The following NELL2 variants were observed in gnomAD, a reference collection of about 807,000 sequenced individuals.
NELL2 encodes neural EGFL like 2.
In NELL2, 41 loss-of-function variants were observed where a neutral mutation model predicts 109.6. The ratio of observed to expected loss-of-function variants is 0.37; its 90% CI spans 0.29 to 0.49. The LOEUF (loss-of-function observed/expected upper bound fraction) is 0.49, where lower values mean the gene tolerates loss of function less well. Ranked by LOEUF, NELL2 falls within the 20% of genes least tolerant of loss-of-function variation. The pLI is 0.98. For missense variants in NELL2, 900 were observed against 1,008.3 expected (o/e 0.89, Z 1.45); for synonymous variants, 355 against 344.7 (o/e 1.03, Z -0.33).
chr12:44,685,240 T>C (rs1044007721), intron 12 of NELL2, among the ~76,000 whole-genome samples: 19 of 152,138 alleles, frequency 1.2e-4, no homozygotes, highest in African/African-American at 4.3e-4. Flanking sequence ...TTGCAACCCC[T>C]GCCTTTTTTT....
intron 2 of NELL2, among the ~76,000 whole-genome samples, chr12:44,870,881 A>G (rs1053638702): frequency 1.3e-5 from 2 of 152,188 alleles, no homozygotes; most frequent in Non-Finnish European, 2.9e-5. Context: ...GGTTCCAAGA[A>G]TTAAGACATG....
rs139549454 is a variant in NELL2 at position 44,534,640 on chromosome 12, G to A, written c.1664-1919C>T. On this transcript the variant is annotated intron_variant, in intron 15 of 19. Transcript: ENST00000429094. ...CTTTATATGGTCTTTTCTTCTAACCGCAATGATGTAGAGAATTGATTATGT... is the reference window on the plus strand; with the variant it reads ...CTTTATATGGTCTTTTCTTCTAACCACAATGATGTAGAGAATTGATTATGT... Among the ~76,000 whole-genome samples, 967 of 152,170 alleles carry A rather than the reference G, an allele frequency of 6.4e-3. 10 individuals carry two copies. Among genetic ancestry groups the A allele is most frequent in the African/African-American group, 0.022 (918 of 41,522 alleles).
chr12:44,685,292 T>C (rs1283050210), intron 12 of NELL2, among the ~76,000 whole-genome samples: 1 of 152,060 alleles, frequency 6.6e-6, no homozygotes, highest in Non-Finnish European at 1.5e-5. Flanking sequence ...TCCTTTTATT[T>C]TGAGCCTATG....
intron 13 of NELL2, among the ~76,000 whole-genome samples, chr12:44,627,429 C>CAAA (rs200944318): frequency 0.046 from 6,422 of 139,666 alleles, 460 homozygotes; most frequent in African/African-American, 0.15. Context: ...GCAGATGTAC[C>CAAA]AAAAAAAAAA....
chr12:44,519,358 T>C (rs1941417153), intron 19 of NELL2, among the ~76,000 whole-genome samples: 1 of 152,232 alleles, frequency 6.6e-6, no homozygotes, highest in Non-Finnish European at 1.5e-5. Flanking sequence ...ACAAACTCTA[T>C]ATGCTCTGCC....
At chr12:44,884,777 C>T (rs1180761387) in intron 1 of NELL2, among the ~76,000 whole-genome samples, 1 of 151,674 alleles carries the variant, frequency 6.6e-6, no homozygotes, top group Non-Finnish European at 1.5e-5. Context: ...ACATTTACAA[C>T]CTAAAGAAGG....
Position 44,676,721 on chromosome 12 carries a change from T to A in NELL2, c.1319-11112A>T, listed in dbSNP as rs1199331034. 3.3e-5 allele frequency among the ~76,000 whole-genome samples: 5 copies of A among 151,752 alleles called. No individual in the cohort carries two copies. In the South Asian group the frequency reaches 8.3e-4, roughly 25 times the overall value. On this transcript the variant is annotated intron_variant, in intron 12 of 19. Coordinates refer to ENST00000429094, the MANE Select transcript of NELL2 (RefSeq NM_001145108.2). ...ATTCTTAGCTTTGGGATTCCTGAAT[T>A]AAAAAAAATAGAGACATGCACTAGG... is the stretch of plus-strand genomic sequence containing the variant.
intron 15 of NELL2, among the ~76,000 whole-genome samples, chr12:44,588,747 A>T (rs533850139): frequency 5.9e-5 from 9 of 152,196 alleles, no homozygotes; most frequent in African/African-American, 2.2e-4. Flanking sequence ...TAAGTGTACA[A>T]TTCAGTGGCA....
At chr12:44,745,148 C>A (rs939002372) in intron 9 of NELL2, among the ~76,000 whole-genome samples, 1 of 152,146 alleles carries the variant, frequency 6.6e-6, no homozygotes, top group Non-Finnish European at 1.5e-5. Flanking sequence ...GCTGGTTCAA[C>A]ATATGCAAAT....
chr12:44,656,386 C>T (rs1253868823), intron 13 of NELL2, among the ~76,000 whole-genome samples: 1 of 152,070 alleles, frequency 6.6e-6, no homozygotes, highest in Non-Finnish European at 1.5e-5. Flanking sequence ...ACATTGAGTC[C>T]ATTGCTCCAA....
At chr12:44,616,412 A>C (rs1395013929) in intron 13 of NELL2, among the ~76,000 whole-genome samples, 1 of 147,180 alleles carries the variant, frequency 6.8e-6, no homozygotes, top group Non-Finnish European at 1.5e-5. Flanking sequence ...AATTTCACGT[A>C]AGTAAATTAT....
At chr12:44,914,072 C>T (rs2136895507), upstream of NELL2, 1 of 219,884 alleles carries the variant, frequency 4.5e-6, no homozygotes, top group South Asian at 1.2e-4. Flanking sequence ...TCTAAGTCAT[C>T]ATCCTAACTG....
At chr12:44,642,703 GA>G (rs369136792) in intron 13 of NELL2, among the ~76,000 whole-genome samples, 27 of 152,206 alleles carry the variant, frequency 1.8e-4, no homozygotes, top group African/African-American at 6.0e-4. Context: ...CCAACATGAT[GA>G]AACCCTATCT....
At chr12:44,656,676 C>T (rs1437929483) in intron 13 of NELL2, among the ~76,000 whole-genome samples, 2 of 152,170 alleles carry the variant, frequency 1.3e-5, no homozygotes, top group African/African-American at 2.4e-5. Context: ...TCTTTGTCAT[C>T]GTCCTTCTCA....
chr12:44,634,933 C>T (rs530526430), intron 13 of NELL2, among the ~76,000 whole-genome samples: 1 of 152,176 alleles, frequency 6.6e-6, no homozygotes, highest in East Asian at 1.9e-4. Context: ...TCATCTATGT[C>T]CCTGCAAAGA....
intron 3 of NELL2, among the ~76,000 whole-genome samples, chr12:44,814,455 C>A (rs573895969): frequency 5.9e-5 from 9 of 152,284 alleles, no homozygotes; most frequent in African/African-American, 1.9e-4. Flanking sequence ...GGCAGAGACA[C>A]ACTGCTATAA....
At chr12:44,678,634 AT>A (rs1566142404) in intron 12 of NELL2, among the ~76,000 whole-genome samples, 1 of 152,102 alleles carries the variant, frequency 6.6e-6, no homozygotes. Context: ...CCTTCAACAT[AT>A]TCCTTTTCTG....
At chr12:44,893,891 T>A (rs1945564064) in intron 1 of NELL2, among the ~76,000 whole-genome samples, 1 of 152,200 alleles carries the variant, frequency 6.6e-6, no homozygotes, top group Non-Finnish European at 1.5e-5. Flanking sequence ...AAATCCCTAA[T>A]CCATTGTGAA....
intron 2 of NELL2, among the ~76,000 whole-genome samples, chr12:44,827,677 A>G (rs1179939234): frequency 1.3e-5 from 2 of 152,098 alleles, no homozygotes; most frequent in Non-Finnish European, 2.9e-5. Flanking sequence ...AATGGTACTC[A>G]TCGTGTGTAA....
Sources: gnomAD v4.1 joint callset for allele counts (sites outside exome capture counted in the v4.1 genomes callset) on GRCh38, gnomAD v4.1.1 for gene constraint, MANE v1.5 for transcripts, NCBI Gene and HGNC (gene_info 2026-07-23, HGNC 2026-07-21) for gene names.